The following TRUB1 variants were observed in gnomAD, a reference collection of about 807,000 sequenced individuals.
TRUB1 encodes the protein pseudouridylate synthase TRUB1.
Under a neutral mutation model 33.9 loss-of-function variants are expected in TRUB1, and 23 were observed. That is an observed-to-expected ratio of 0.68 (90% CI 0.49 to 0.96). The LOEUF (loss-of-function observed/expected upper bound fraction) is 0.96, where lower values mean the gene tolerates loss of function less well. Among genes scored for constraint, TRUB1 ranks in the 40% least tolerant of loss-of-function variants. The probability of loss-of-function intolerance (pLI) is 0.00; values close to 1 mark genes in which losing one functional copy is unlikely to be tolerated. For synonymous variants in TRUB1, 163 were observed against 165.4 expected (o/e 0.99, Z 0.11); for missense variants, 378 against 422.2 (o/e 0.90, Z 0.92).
At chr10:114,948,482 A>C (rs2084220664) in intron 2 of TRUB1, among the ~76,000 whole-genome samples, 1 of 152,264 alleles carries the variant, frequency 6.6e-6, no homozygotes, top group Non-Finnish European at 1.5e-5. Flanking sequence ...CTACACAATA[A>C]GTACTGGATA....
At chr10:114,960,864 T>A (rs1264286949) in intron 4 of TRUB1, among the ~76,000 whole-genome samples, 1 of 152,104 alleles carries the variant, frequency 6.6e-6, no homozygotes, top group East Asian at 1.9e-4. Context: ...TTCCAGAGGA[T>A]ACTAAAGTAT....
chr10:114,957,727 A>T (rs893046742), intron 3 of TRUB1, among the ~76,000 whole-genome samples: 1 of 152,222 alleles, frequency 6.6e-6, no homozygotes, highest in Non-Finnish European at 1.5e-5. Context: ...TGGGCATTGC[A>T]TACTTGGGAA....
intron 4 of TRUB1, among the ~76,000 whole-genome samples, chr10:114,964,139 C>T (rs1177357026): frequency 6.6e-6 from 1 of 152,102 alleles, no homozygotes; most frequent in East Asian, 1.9e-4. Context: ...TTCCACTTGC[C>T]CCACATACTT....
chr10:114,945,208 C>G (rs1245346783), intron 2 of TRUB1, among the ~76,000 whole-genome samples: 1 of 152,214 alleles, frequency 6.6e-6, no homozygotes, highest in East Asian at 1.9e-4. Flanking sequence ...CAGATCTGCT[C>G]AGTTCCAAAT....
chr10:114,966,822 C>T (rs1479500791), intron 4 of TRUB1, among the ~76,000 whole-genome samples: 2 of 152,034 alleles, frequency 1.3e-5, no homozygotes. Flanking sequence ...GCTAAACTCA[C>T]TTATTTGTTC....
At chr10:114,974,478 T>A (rs2084351186) in intron 7 of TRUB1, 93 bp downstream of exon 7, 1 of 1,087,488 alleles carries the variant, frequency 9.2e-7, no homozygotes, top group Non-Finnish European at 1.4e-6. Flanking sequence ...TATTTCTGAG[T>A]ACTGGCCTTA....
intron 2 of TRUB1, among the ~76,000 whole-genome samples, chr10:114,948,833 C>T (rs1424489573): frequency 6.6e-6 from 1 of 152,106 alleles, no homozygotes; most frequent in Non-Finnish European, 1.5e-5. Flanking sequence ...TCTAAGACAC[C>T]CTGTGTTCAG....
At chr10:114,953,053 A>G (rs960652307) in intron 3 of TRUB1, among the ~76,000 whole-genome samples, 3 of 152,172 alleles carry the variant, frequency 2.0e-5, no homozygotes, top group Non-Finnish European at 2.9e-5. Context: ...TCATTGAGAT[A>G]TTCGTTGTTC....
At chr10:114,955,701 T>TCATTACTC (rs2084258903) in intron 3 of TRUB1, among the ~76,000 whole-genome samples, 1 of 152,238 alleles carries the variant, frequency 6.6e-6, no homozygotes, top group Admixed American at 6.5e-5. Context: ...GTGGCTTGAG[T>TCATTACTC]AATGCTCCTA....
At chr10:114,968,270 G>C (rs563409429) in intron 4 of TRUB1, among the ~76,000 whole-genome samples, 1 of 152,312 alleles carries the variant, frequency 6.6e-6, no homozygotes, top group Non-Finnish European at 1.5e-5. Flanking sequence ...CATCTTGTGT[G>C]TGATGATATC....
rs1055159354 is a variant in TRUB1, at chr10:114,976,731, A to G, written c.*1352A>G. On this transcript the variant is annotated 3_prime_UTR_variant, in exon 8 of 8. Transcript: ENST00000298746. ...ACTCAATGTAAAATGTTATATATGC[A>G]TCAGTACAGCATTTTCAACATATTG... 3 of 152,208 alleles carry G rather than the reference A, an allele frequency of 2.0e-5. No individual in the cohort carries two copies. The allele number at this position is 152,208 out of a possible 1,614,324, so 9.4% of individuals were successfully genotyped here. A position where few individuals can be genotyped will look rare whatever the true frequency, so the allele number is the denominator to read the frequency against.
intron 4 of TRUB1, 105 bp downstream of exon 4, chr10:114,959,912 C>T (rs2084278204): frequency 2.9e-6 from 2 of 687,508 alleles, no homozygotes; most frequent in Non-Finnish European, 5.0e-6. Flanking sequence ...CATTTTAATT[C>T]TCAGTGTGTT....
chr10:114,938,825 G>C (rs2084172229), intron 1 of TRUB1, among the ~76,000 whole-genome samples: 1 of 152,176 alleles, frequency 6.6e-6, no homozygotes, highest in African/African-American at 2.4e-5. Context: ...TCTGTAATCT[G>C]ATCGATCCCT....
In TRUB1 at chr10:114,951,201, A is replaced by T. The variant is rs554241567; in HGVS notation, c.441+52A>T. 3 of 1,428,602 alleles carry T rather than the reference A, an allele frequency of 2.1e-6. No homozygotes were observed. In the South Asian group the frequency reaches 3.6e-5, roughly 17 times the overall value. The allele number at this position is 1,428,602 out of a possible 1,614,324, so 88.5% of individuals were successfully genotyped here. On this transcript the variant is annotated intron_variant, in intron 3 of 7. Coordinates refer to ENST00000298746, the MANE Select transcript of TRUB1 (RefSeq NM_139169.5). ...TTCTTTAATGTTCTTAATGATCTAC[A>T]TGTATTGGGTTTTTATCAAATAAAA...
intron 2 of TRUB1, among the ~76,000 whole-genome samples, chr10:114,949,678 C>T (rs895667507): frequency 5.9e-5 from 9 of 151,904 alleles, no homozygotes; most frequent in Admixed American, 2.6e-4. Flanking sequence ...GATGTAGAAC[C>T]GTCAGGTTTG....
At chr10:114,940,727 A>G (rs761822021) in intron 1 of TRUB1, among the ~76,000 whole-genome samples, 36 of 152,220 alleles carry the variant, frequency 2.4e-4, no homozygotes, top group Non-Finnish European at 4.6e-4. Context: ...AAGATAGTAT[A>G]TTTATGGGGC....
At chr10:114,968,108 A>G (rs1409310642) in intron 4 of TRUB1, among the ~76,000 whole-genome samples, 1 of 152,150 alleles carries the variant, frequency 6.6e-6, no homozygotes, top group Non-Finnish European at 1.5e-5. Flanking sequence ...TAGAAATCAA[A>G]TATGTAGAAA....
At chr10:114,971,714 T>TAGG (rs2084337511) in intron 5 of TRUB1, among the ~76,000 whole-genome samples, 1 of 152,218 alleles carries the variant, frequency 6.6e-6, no homozygotes, top group African/African-American at 2.4e-5. Flanking sequence ...TTTGGTAACT[T>TAGG]ATATAAAAAT....
At chr10:114,958,163 C>G (rs1196623977) in intron 3 of TRUB1, among the ~76,000 whole-genome samples, 1 of 152,126 alleles carries the variant, frequency 6.6e-6, no homozygotes, top group Non-Finnish European at 1.5e-5. Context: ...GCCAGTTGAC[C>G]CTGAGCCTGT....
Sources: gnomAD v4.1 joint callset for allele counts (sites outside exome capture counted in the v4.1 genomes callset) on GRCh38, gnomAD v4.1.1 for gene constraint, MANE v1.5 for transcripts, NCBI Gene and HGNC (gene_info 2026-07-23, HGNC 2026-07-21) for gene names.